The following HDAC4 variants were observed in gnomAD, a reference collection of about 807,000 sequenced individuals.
HDAC4 encodes the protein histone deacetylase A.
A neutral mutation model predicts 135.1 loss-of-function variants in HDAC4; 16 were observed. The ratio of observed to expected loss-of-function variants is 0.12; its 90% CI spans 0.08 to 0.18. HDAC4 has a LOEUF of 0.18. HDAC4 is among the 10% of genes least tolerant of loss of function. The pLI is 1.00. For synonymous variants in HDAC4, 685 were observed against 653.4 expected, an observed-to-expected ratio of 1.05 and a Z score of -0.74; for missense variants, 1,143 against 1,511.8, an observed-to-expected ratio of 0.76 and a Z score of 4.05.
At position 239,233,779 on chromosome 2, in the gene HDAC4, C is replaced by A. The variant is rs2056537; in HGVS notation, c.94+2814G>T. On this transcript the variant is annotated intron_variant, in intron 3 of 26. Transcript: ENST00000543185. ...GGGCTGCCCGGGCGCCCTTCCTGCT[C>A]CAAGTACACACTCATCTGTTCAAAG... 6.2e-3 allele frequency among the ~76,000 whole-genome samples: 938 copies of A among 152,316 alleles called. 20 individuals carry two copies. In the East Asian group the frequency reaches 0.086, roughly 14 times the overall value.
chr2:239,090,417 A>G (rs2036397426), intron 17 of HDAC4, among the ~76,000 whole-genome samples: 1 of 150,136 alleles, frequency 6.7e-6, no homozygotes, highest in African/African-American at 2.5e-5. Context: ...AATGATGTCA[A>G]GGTGATCTAT....
chr2:239,079,751 C>A (rs1040883005), intron 22 of HDAC4, among the ~76,000 whole-genome samples: 1 of 152,004 alleles, frequency 6.6e-6, no homozygotes, highest in Non-Finnish European at 1.5e-5. Context: ...GATGTGCACA[C>A]ACACACAGAG....
chr2:239,276,444 G>A (rs983811941), intron 2 of HDAC4, among the ~76,000 whole-genome samples: 5 of 152,258 alleles, frequency 3.3e-5, no homozygotes. Context: ...TATGGCCTGT[G>A]CCACCTTCAA....
At chr2:239,108,231 CCGACCACCCACTGGCAGG>C in intron 14 of HDAC4, 48 bp from the exon 15 acceptor site, 1 of 1,563,918 alleles carries the variant, frequency 6.4e-7, no homozygotes, top group Non-Finnish European at 8.7e-7. Flanking sequence ...CAGGGGCGAG[CCGACCACCCACTGGCAGG>C]CTGCCCCCGG....
At chr2:239,062,054 G>A (rs893568807) in intron 24 of HDAC4, among the ~76,000 whole-genome samples, 7 of 152,228 alleles carry the variant, frequency 4.6e-5, no homozygotes, top group East Asian at 3.8e-4. Context: ...GGCCCGACTC[G>A]GTGCTGCGCC....
At position 239,299,107 on chromosome 2, in the gene HDAC4, C is replaced by T. The variant is rs1057045165; in HGVS notation, c.22+53571G>A. ...GTCTCGATCTCCTGACCTCGTGATC[C>T]GCCTGCCTTGGCCTCCCAAAGTGCT... On this transcript the variant is annotated intron_variant, in intron 2 of 26. Coordinates refer to ENST00000543185, the MANE Select transcript of HDAC4 (RefSeq NM_001378414.1). The surrounding 1 kb of genome is among the most constrained non-coding windows in gnomAD (Gnocchi z 4.0). Among the ~76,000 whole-genome samples, 6 of 152,068 alleles carry T rather than the reference C, an allele frequency of 3.9e-5. No homozygotes were observed. The highest frequency in any genetic ancestry group is 1.2e-4 in the African/African-American group (5 of 41,406).
chr2:239,392,671 C>T (rs1696307652), intron 1 of HDAC4, among the ~76,000 whole-genome samples: 1 of 152,212 alleles, frequency 6.6e-6, no homozygotes, highest in African/African-American at 2.4e-5. Context: ...ACTCTAACCC[C>T]TGAGCTTACG....
chr2:239,356,370 A>AT (rs996867476), intron 1 of HDAC4, among the ~76,000 whole-genome samples: 2 of 152,164 alleles, frequency 1.3e-5, no homozygotes, highest in African/African-American at 4.8e-5. Context: ...GTCAGACTGG[A>AT]TAAAAAAGCG....
chr2:239,119,125 C>A (rs993568706), intron 12 of HDAC4, among the ~76,000 whole-genome samples: 2 of 152,200 alleles, frequency 1.3e-5, no homozygotes, highest in Non-Finnish European at 2.9e-5. Context: ...GCAGCTCCCC[C>A]AGGGCCCGGT....
chr2:239,306,886 C>T lies in HDAC4; in HGVS notation c.22+45792G>A, dbSNP rs529681028. ...AAGGAGCTGCAGGGATGCATGGGGG[C>T]GTTCAGGAATGTCCAAGGAGGGCCT... is the stretch of plus-strand genomic sequence containing the variant. On this transcript the variant is annotated intron_variant, in intron 2 of 26. Coordinates refer to ENST00000543185, the MANE Select transcript of HDAC4 (RefSeq NM_001378414.1). This position sits in a 1 kb window ranked among gnomAD's most constrained non-coding sequence, Gnocchi z 4.5. Among the ~76,000 whole-genome samples the T allele has an allele frequency of 2.8e-4, 43 of 151,908 alleles. No individual in the cohort carries two copies. Among genetic ancestry groups the T allele is most frequent in the Non-Finnish European group, 3.8e-4 (26 of 67,938 alleles).
intron 15 of HDAC4, among the ~76,000 whole-genome samples, chr2:239,103,518 G>T (rs1426060229): frequency 6.6e-6 from 1 of 152,252 alleles, no homozygotes; most frequent in Non-Finnish European, 1.5e-5. Context: ...CTTTTAAAGG[G>T]GACGATGGCT....
chr2:239,294,403 T>C (rs1049870759), intron 2 of HDAC4, among the ~76,000 whole-genome samples: 1 of 151,730 alleles, frequency 6.6e-6, no homozygotes, highest in African/African-American at 2.4e-5. Context: ...TGATAGGGAG[T>C]CTGGAGCCTA....
chr2:239,340,453 C>G (rs1055746592), intron 2 of HDAC4, among the ~76,000 whole-genome samples: 1 of 152,198 alleles, frequency 6.6e-6, no homozygotes, highest in Non-Finnish European at 1.5e-5. Context: ...TGGTGCATCT[C>G]CTAAAGGCTG....
At chr2:239,176,827 G>A (rs2043806854) in intron 4 of HDAC4, among the ~76,000 whole-genome samples, 1 of 152,196 alleles carries the variant, frequency 6.6e-6, no homozygotes, top group Admixed American at 6.5e-5. Flanking sequence ...CGCAAGAAGA[G>A]TTATGTTATC....
rs1293266818 is a variant in HDAC4 at position 239,331,016 on chromosome 2, A to G, written c.22+21662T>C. Among the ~76,000 whole-genome samples the G allele has an allele frequency of 6.6e-6, 1 of 152,018 alleles. No homozygotes were observed. The highest frequency in any genetic ancestry group is 2.4e-5 in the African/African-American group (1 of 41,370). ...GCTGCCCTGTGCGTGCGCATTCCCA[A>G]CCTGCCTGACCTTGGCTGCCCGAAA... On this transcript the variant is annotated intron_variant, in intron 2 of 26. Coordinates refer to ENST00000543185, the MANE Select transcript of HDAC4 (RefSeq NM_001378414.1). This position sits in a 1 kb window ranked among gnomAD's most constrained non-coding sequence, Gnocchi z 4.5.
Position 239,116,478 on chromosome 2 carries a change from T to C in HDAC4, c.1534-1168A>G, listed in dbSNP as rs568078495. On this transcript the variant is annotated intron_variant, in intron 12 of 26. Transcript: ENST00000543185. The stretch of plus-strand genomic sequence containing the variant: ...GCTCACGAGAAACGCCTCTGGACGG[T>C]GCTGCTTCTCTCCAGCCTCGACCTC... Among the ~76,000 whole-genome samples the C allele has an allele frequency of 1.1e-3, 167 of 152,344 alleles. 2 individuals carry two copies. Among genetic ancestry groups the C allele is most frequent in the African/African-American group, 3.8e-3 (158 of 41,580 alleles).
chr2:239,217,536 G>A (rs2046707906), intron 3 of HDAC4, among the ~76,000 whole-genome samples: 1 of 152,270 alleles, frequency 6.6e-6, no homozygotes, highest in Non-Finnish European at 1.5e-5. Flanking sequence ...AACAAAATCA[G>A]AAGGTTGGAG....
At position 239,240,953 on chromosome 2, in the gene HDAC4, G is replaced by A. The variant is rs578081557; in HGVS notation, c.23-4289C>T. 6.5e-4 allele frequency among the ~76,000 whole-genome samples: 99 copies of A among 152,258 alleles called. No homozygotes were observed. Among genetic ancestry groups the A allele is most frequent in the African/African-American group, 2.3e-3 (97 of 41,510 alleles). On this transcript the variant is annotated intron_variant, in intron 2 of 26. Transcript: ENST00000543185. The surrounding 1 kb of genome is among the most constrained non-coding windows in gnomAD (Gnocchi z 4.5). ...GGTAGGTATGTCTAACCAGAAACCC[G>A]GCCTTCTGGAGCCAAAGGAACCTCA...
At chr2:239,242,259 A>AGGGAGGGG (rs1291753989) in intron 2 of HDAC4, among the ~76,000 whole-genome samples, 1 of 150,126 alleles carries the variant, frequency 6.7e-6, no homozygotes, top group Non-Finnish European at 1.5e-5. Flanking sequence ...GGAGGGAGGG[A>AGGGAGGGG]AACGAACAGT....
Sources: allele counts gnomAD v4.1 joint callset (sites outside exome capture counted in the v4.1 genomes callset), GRCh38; gene constraint gnomAD v4.1.1; non-coding constraint Gnocchi (gnomAD v3.1); transcripts MANE v1.5; gene names NCBI Gene and HGNC (gene_info 2026-07-23, HGNC 2026-07-21).